The following PLCL1 variants were observed in gnomAD, a reference collection of about 807,000 sequenced individuals.
PLCL1 encodes the protein inactive phospholipase C-like protein 1.
A neutral mutation model predicts 84.4 loss-of-function variants in PLCL1; 41 were observed. That is an observed-to-expected ratio of 0.49 (90% confidence interval 0.38 to 0.63). The LOEUF is 0.63. Among genes scored for constraint, PLCL1 ranks in the 30% least tolerant of loss-of-function variants. The probability of loss-of-function intolerance (pLI) is 0.00; values close to 1 mark genes in which losing one functional copy is unlikely to be tolerated. For missense variants in PLCL1, 1,206 were observed against 1,367.8 expected, an observed-to-expected ratio of 0.88 and a Z score of 1.87; for synonymous variants, 490 against 488.3, an observed-to-expected ratio of 1.00 and a Z score of -0.05.
At chr2:197,868,342 T>A (rs1300369256) in intron 1 of PLCL1, among the ~76,000 whole-genome samples, 1 of 152,116 alleles carries the variant, frequency 6.6e-6, no homozygotes, top group East Asian at 1.9e-4. Flanking sequence ...CTCAACTAGG[T>A]GGAAACTAGG....
intron 5 of PLCL1, among the ~76,000 whole-genome samples, chr2:198,125,017 C>T (rs1693953277): frequency 6.6e-6 from 1 of 152,046 alleles, no homozygotes; most frequent in Non-Finnish European, 1.5e-5. Flanking sequence ...CTAGTGACTA[C>T]CATAATGGAC....
chr2:197,926,390 G>C (rs548536693), intron 1 of PLCL1, among the ~76,000 whole-genome samples: 2 of 152,150 alleles, frequency 1.3e-5, no homozygotes, highest in Admixed American at 6.5e-5. Context: ...TCTGAGCCTA[G>C]TCTATTCCCT....
At chr2:198,071,920 T>A (rs1236638318) in intron 1 of PLCL1, among the ~76,000 whole-genome samples, 2 of 151,856 alleles carry the variant, frequency 1.3e-5, no homozygotes, top group East Asian at 3.8e-4. Flanking sequence ...GAAATCTAGC[T>A]TTTTTGTTCA....
chr2:198,130,278 C>T (rs1218486741), intron 5 of PLCL1, among the ~76,000 whole-genome samples: 3 of 152,180 alleles, frequency 2.0e-5, no homozygotes. Context: ...CTTCCTACAT[C>T]TCTGACTCTT....
At chr2:198,101,663 G>A (rs73063024) in intron 4 of PLCL1, among the ~76,000 whole-genome samples, 3,275 of 152,030 alleles carry the variant, frequency 0.022, 44 homozygotes, top group African/African-American at 0.04. Flanking sequence ...ACCTTCTACT[G>A]CTGGTATTGA....
chr2:198,005,092 T>C (rs1448260827), intron 1 of PLCL1, among the ~76,000 whole-genome samples: 2 of 152,204 alleles, frequency 1.3e-5, no homozygotes. Context: ...AGGTGAGTTT[T>C]TAAAGGATTT....
chr2:197,983,928 TA>T (rs1690169503), intron 1 of PLCL1, among the ~76,000 whole-genome samples: 2 of 152,226 alleles, frequency 1.3e-5, no homozygotes, highest in Admixed American at 1.3e-4. Context: ...AGCCTCTAGT[TA>T]AAAAGTTTTA....
At chr2:197,858,989 C>T (rs1175344910) in intron 1 of PLCL1, among the ~76,000 whole-genome samples, 1 of 152,096 alleles carries the variant, frequency 6.6e-6, no homozygotes, top group Non-Finnish European at 1.5e-5. Context: ...ATGGCATAGC[C>T]TTTAAAGAGG....
chr2:198,140,144 C>T lies in PLCL1; in HGVS notation c.3106-6636C>T, dbSNP rs74999775. Among the ~76,000 whole-genome samples, 599 of 151,938 alleles carry T rather than the reference C, an allele frequency of 3.9e-3. 6 individuals carry two copies. The highest frequency in any genetic ancestry group is 0.014 in the African/African-American group (574 of 41,478). ...AGACGGAGTTTCACCATGTTGGCCGCGCCTGGCCCATACTTCTTTTTTAAG... is the reference window on the plus strand; with the variant it reads ...AGACGGAGTTTCACCATGTTGGCCGTGCCTGGCCCATACTTCTTTTTTAAG... On this transcript the variant is annotated intron_variant, in intron 5 of 5. Coordinates refer to ENST00000428675, the MANE Select transcript of PLCL1 (RefSeq NM_006226.4).
chr2:198,083,757 G>A lies in PLCL1; in HGVS notation c.241-1G>A. On this transcript the variant is annotated splice_acceptor_variant, in intron 1 of 5. Coordinates refer to ENST00000428675, the MANE Select transcript of PLCL1 (RefSeq NM_006226.4). LOFTEE classifies it high-confidence loss of function. ...TTCATTTTTTTCAAATTATTTTACA[G>A]GATCCTTCAAACCAAAAATGTGGTG... 6.4e-7 allele frequency: 1 copy of A among 1,568,858 alleles called. No individual in the cohort carries two copies. The highest frequency in any genetic ancestry group is 8.6e-7 in the Non-Finnish European group (1 of 1,158,598).
At chr2:198,041,804 ATATT>A (rs1170112363) in intron 1 of PLCL1, among the ~76,000 whole-genome samples, 1 of 152,214 alleles carries the variant, frequency 6.6e-6, no homozygotes, top group Admixed American at 6.5e-5. Flanking sequence ...GGAGGAGAGA[ATATT>A]CTAGGTGAAG....
At chr2:197,872,442 AT>A (rs1319404617) in intron 1 of PLCL1, among the ~76,000 whole-genome samples, 2 of 152,186 alleles carry the variant, frequency 1.3e-5, no homozygotes, top group African/African-American at 4.8e-5. Context: ...AATGCCAACC[AT>A]AAGTTTTATA....
At chr2:198,105,763 T>C (rs1693459957) in intron 5 of PLCL1, among the ~76,000 whole-genome samples, 1 of 151,780 alleles carries the variant, frequency 6.6e-6, no homozygotes, top group Admixed American at 6.6e-5. Context: ...GTACAAAATA[T>C]CTAGGGCCAT....
chr2:197,901,394 C>A (rs1489582156), intron 1 of PLCL1, among the ~76,000 whole-genome samples: 1 of 152,102 alleles, frequency 6.6e-6, no homozygotes, highest in Non-Finnish European at 1.5e-5. Flanking sequence ...GTGAGATGCA[C>A]AGGACAAAGG....
chr2:198,031,533 C>T (rs1190207092), intron 1 of PLCL1, among the ~76,000 whole-genome samples: 1 of 151,882 alleles, frequency 6.6e-6, no homozygotes, highest in Non-Finnish European at 1.5e-5. Flanking sequence ...TTCTGCCACC[C>T]ATGCTGGAAT....
chr2:197,811,226 G>A (rs1423217714), intron 1 of PLCL1, among the ~76,000 whole-genome samples: 4 of 152,204 alleles, frequency 2.6e-5, no homozygotes, highest in Non-Finnish European at 5.9e-5. Flanking sequence ...GGGCCAAACG[G>A]CCAACTTCTG....
intron 1 of PLCL1, among the ~76,000 whole-genome samples, chr2:198,065,019 A>G (rs1692291078): frequency 6.6e-6 from 1 of 152,192 alleles, no homozygotes; most frequent in South Asian, 2.1e-4. Flanking sequence ...TCAAGAACAT[A>G]GACTATGCAA....
intron 1 of PLCL1, among the ~76,000 whole-genome samples, chr2:197,899,204 G>A (rs6729473): frequency 0.73 from 110,681 of 152,048 alleles, 41,363 homozygotes; most frequent in African/African-American, 0.9. Flanking sequence ...ATTAAGTATC[G>A]TGAAGAATTT....
At chr2:198,089,599 G>A (rs1428102845) in intron 3 of PLCL1, among the ~76,000 whole-genome samples, 1 of 152,102 alleles carries the variant, frequency 6.6e-6, no homozygotes, top group Non-Finnish European at 1.5e-5. Flanking sequence ...CGTTTCTCTG[G>A]AATAGAATAG....
Sources: allele counts gnomAD v4.1 joint callset (sites outside exome capture counted in the v4.1 genomes callset), GRCh38; gene constraint gnomAD v4.1.1; transcripts MANE v1.5; gene names NCBI Gene and HGNC (gene_info 2026-07-23, HGNC 2026-07-21).